The following SEC61A1 variants were observed in gnomAD, a reference collection of about 807,000 sequenced individuals.
SEC61A1 encodes the protein protein transport protein Sec61 subunit alpha isoform 1.
SEC61A1 carries 15 observed loss-of-function variants against 55.2 expected under a neutral mutation model. The observed-to-expected ratio is 0.27, with a 90% confidence interval of 0.18 to 0.42. The LOEUF (loss-of-function observed/expected upper bound fraction) is 0.42. Among genes scored for constraint, SEC61A1 ranks in the 10% least tolerant of loss-of-function variants. The probability of loss-of-function intolerance (pLI) is 1.00; values close to 1 mark genes in which losing one functional copy is unlikely to be tolerated. For missense variants in SEC61A1, 284 were observed against 602.6 expected (o/e 0.47, Z 5.53); for synonymous variants, 247 against 234.0 (o/e 1.06, Z -0.51).
At chr3:128,059,995 T>G (rs1941830241) in intron 5 of SEC61A1, 107 bp from the exon 6 acceptor site, 2 of 783,242 alleles carry the variant, frequency 2.6e-6, no homozygotes, top group African/African-American at 1.7e-5. Flanking sequence ...TCACTGCTCT[T>G]CATCTTTGTT....
intron 8 of SEC61A1, among the ~76,000 whole-genome samples, chr3:128,065,732 ATTTTTTTTTT>A (rs758640768): frequency 1.0e-5 from 1 of 97,528 alleles, no homozygotes; most frequent in African/African-American, 4.1e-5. Context: ...ATCATTAAGA[ATTTTTTTTTT>A]TTTTTTTTTT....
Position 128,067,248 on chromosome 3 carries a change from T to A in SEC61A1, c.975+97T>A. 6 of 1,360,716 alleles carry A rather than the reference T, an allele frequency of 4.4e-6. No individual in the cohort carries two copies. Among genetic ancestry groups the A allele is most frequent in the Non-Finnish European group, 6.2e-6 (6 of 968,316 alleles). The allele number at this position is 1,360,716 out of a possible 1,614,324, so 84.3% of individuals were successfully genotyped here. A position where few individuals can be genotyped will look rare whatever the true frequency, so the allele number is the denominator to read the frequency against. On this transcript the variant is annotated intron_variant, in intron 9 of 11. Coordinates refer to ENST00000243253, the MANE Select transcript of SEC61A1 (RefSeq NM_013336.4). The surrounding 1 kb of genome is among the most constrained non-coding windows in gnomAD (Gnocchi z 4.1). ...TGAACAGATATTTCATCCAAAGATATTTTCCATTGTGCCTTTTACAAATTC... is the reference window on the plus strand; with the variant it reads ...TGAACAGATATTTCATCCAAAGATAATTTCCATTGTGCCTTTTACAAATTC...
At chr3:128,052,095 G>A (rs1227561741), upstream of SEC61A1, among the ~76,000 whole-genome samples, 2 of 152,210 alleles carry the variant, frequency 1.3e-5, no homozygotes, top group Non-Finnish European at 2.9e-5. Flanking sequence ...CCTGCCTGCA[G>A]GGCCACGCGC....
intron 2 of SEC61A1, among the ~76,000 whole-genome samples, chr3:128,054,872 T>C (rs1395590866): frequency 6.6e-6 from 1 of 152,208 alleles, no homozygotes; most frequent in East Asian, 1.9e-4. Context: ...TAATACTTAA[T>C]AGTCATCTTT....
rs774100458 is a variant in SEC61A1 at position 128,070,767 on chromosome 3, G to T, written c.*1105G>T. 1 of 151,852 alleles carries T rather than the reference G, an allele frequency of 6.6e-6. No individual in the cohort carries two copies. The highest frequency in any genetic ancestry group is 2.4e-5 in the African/African-American group (1 of 40,868). 9.4% of individuals were successfully genotyped at this position (151,852 alleles called of 1,614,324 possible). ...GTGGTGGTGTTGATCAGTTGCTCCA[G>T]TGTTTGAAATAAGAAGACTCATGTT... On this transcript the variant is annotated 3_prime_UTR_variant, in exon 12 of 12. Transcript: ENST00000243253.
chr3:128,054,523 G>A (rs1015244316), intron 2 of SEC61A1, among the ~76,000 whole-genome samples: 3 of 152,220 alleles, frequency 2.0e-5, no homozygotes, highest in African/African-American at 7.2e-5. Flanking sequence ...TTGTGTGGCC[G>A]TATGACTGTG....
In SEC61A1 at chr3:128,052,825, C is replaced by G; in HGVS notation, c.8-10C>G. Reference sequence around the variant, plus strand: ...TCCCAACTCTTCCTGTTTTGTTTCTCCCATCAAAGTCAAATTTCTGGAAGT... The same window carrying G: ...TCCCAACTCTTCCTGTTTTGTTTCTGCCATCAAAGTCAAATTTCTGGAAGT... On this transcript the variant is annotated splice_polypyrimidine_tract_variant and intron_variant, in intron 1 of 11. Coordinates refer to ENST00000243253, the MANE Select transcript of SEC61A1 (RefSeq NM_013336.4). 1 of 1,612,404 alleles carries G rather than the reference C, an allele frequency of 6.2e-7. No individual in the cohort carries two copies. Among genetic ancestry groups the G allele is most frequent in the Non-Finnish European group, 8.5e-7 (1 of 1,178,576 alleles).
At chr3:128,052,603 A>T (rs1941704345) in intron 1 of SEC61A1, 44 bp downstream of exon 1, 1 of 1,580,838 alleles carries the variant, frequency 6.3e-7, no homozygotes, top group Non-Finnish European at 8.6e-7. Flanking sequence ...GACGGAACAG[A>T]TCCCCCTTCC....
At chr3:128,059,249 G>C (rs1559795380) in intron 5 of SEC61A1, among the ~76,000 whole-genome samples, 1 of 152,102 alleles carries the variant, frequency 6.6e-6, no homozygotes, top group Admixed American at 6.6e-5. Context: ...TGAGGTGGGT[G>C]GATCACGAGG....
At chr3:128,062,205 C>G (rs762428662) in intron 7 of SEC61A1, among the ~76,000 whole-genome samples, 1 of 152,170 alleles carries the variant, frequency 6.6e-6, no homozygotes, top group African/African-American at 2.4e-5. Context: ...CTGGCTGACA[C>G]GAGATGCATT....
At chr3:128,059,965 C>T (rs756886203) in intron 5 of SEC61A1, 137 bp from the exon 6 acceptor site, 12 of 635,526 alleles carry the variant, frequency 1.9e-5, no homozygotes, top group South Asian at 1.2e-4. Flanking sequence ...CGTTCTCAGC[C>T]GAGCCCCTTG....
rs112255429 is a variant in SEC61A1, at chr3:128,067,979, G to A, written c.1168-4G>A. 0.017 allele frequency: 27,448 copies of A among 1,613,264 alleles called. 302 individuals are homozygous for A. Among genetic ancestry groups the A allele is most frequent in the Non-Finnish European group, 0.018 (20,698 of 1,179,350 alleles). ...CCAACTTCTCCCCTGTGGGCACCCT[G>A]CAGGTTGCAAAGCAGCTGAAGGAGC... On this transcript the variant is annotated splice_polypyrimidine_tract_variant and splice_region_variant and intron_variant, in intron 10 of 11. Coordinates refer to ENST00000243253, the MANE Select transcript of SEC61A1 (RefSeq NM_013336.4). The surrounding 1 kb of genome is among the most constrained non-coding windows in gnomAD (Gnocchi z 4.1).
chr3:128,063,393 A>G lies in SEC61A1; in HGVS notation c.617-1484A>G, dbSNP rs1941878883. ...TGCTCTGTCACCCAGGCTGGAGTGC[A>G]TTGGCGCCATCTCGGCTCACTGCAA... On this transcript the variant is annotated intron_variant, in intron 7 of 11. Coordinates refer to ENST00000243253, the MANE Select transcript of SEC61A1 (RefSeq NM_013336.4). Among the ~76,000 whole-genome samples, 3 of 152,218 alleles carry G rather than the reference A, an allele frequency of 2.0e-5. No homozygotes were observed. The East Asian group carries it at 5.8e-4, about 29-fold the overall frequency.
In SEC61A1 at chr3:128,052,896, G is replaced by A; in HGVS notation, c.69G>A (p.Glu23=). Residue 23 remains glutamate, a synonymous_variant, in exon 2 of 12, where the codon GAG becomes GAA. Coordinates refer to ENST00000243253, the MANE Select transcript of SEC61A1 (RefSeq NM_013336.4). ...TCCTGCCGGAAATTCAGAAGCCAGA[G>A]AGGAAGGTAAGTACCCCAAATCGCC... ...CVILPEIQKP[E]RKIQFKEKVL... The A allele has an allele frequency of 1.2e-6, 2 of 1,613,046 alleles. No individual in the cohort carries two copies. The highest frequency in any genetic ancestry group is 1.7e-6 in the Non-Finnish European group (2 of 1,179,390).
At chr3:128,058,270 G>A (rs1161848725) in intron 5 of SEC61A1, among the ~76,000 whole-genome samples, 3 of 141,190 alleles carry the variant, frequency 2.1e-5, no homozygotes, top group Admixed American at 7.5e-5. Flanking sequence ...GTGCAGTGGC[G>A]TGATCTTGGT....
chr3:128,059,978 G>C (rs1366837195), intron 5 of SEC61A1, 124 bp from the exon 6 acceptor site: 5 of 682,882 alleles, frequency 7.3e-6, no homozygotes, highest in Non-Finnish European at 1.3e-5. Flanking sequence ...GCCCCTTGGA[G>C]GTAGTATCAC....
chr3:128,052,946 T>A (rs1174546059), intron 2 of SEC61A1, 44 bp downstream of exon 2: 1 of 1,461,884 alleles, frequency 6.8e-7, no homozygotes, highest in South Asian at 1.2e-5. Flanking sequence ...CAGGAAACTG[T>A]CTGGACTCTG....
chr3:128,060,540 G>C lies in SEC61A1; in HGVS notation c.495G>C (p.Leu165Phe). ...LFVAGLIVLL[L>F]DELLQKGYGL... ...TTGCTGGCTTAATTGTCCTACTTTT[G>C]GATGAACTCCTGCAAAAAGGATATG... The change falls in exon 7 of 12, where the codon TTG becomes TTC. Residue 165 changes from leucine to phenylalanine, a missense_variant. By Grantham distance (22) the Leu-to-Phe change is conservative (BLOSUM62 0). Transcript: ENST00000243253. The C allele has an allele frequency of 6.2e-7, 1 of 1,614,016 alleles. No homozygotes were observed. Among genetic ancestry groups the C allele is most frequent in the Non-Finnish European group, 8.5e-7 (1 of 1,180,010 alleles).
At chr3:128,054,085 T>TA (rs1253705586) in intron 2 of SEC61A1, among the ~76,000 whole-genome samples, 1 of 152,088 alleles carries the variant, frequency 6.6e-6, no homozygotes, top group African/African-American at 2.4e-5. Context: ...AGGAGATGAA[T>TA]AACAAGGGCC....
Sources: gnomAD v4.1 joint callset for allele counts (sites outside exome capture counted in the v4.1 genomes callset) on GRCh38, gnomAD v4.1.1 for gene constraint, Gnocchi (gnomAD v3.1) non-coding constraint, MANE v1.5 for transcripts, NCBI Gene and HGNC (gene_info 2026-07-23, HGNC 2026-07-21) for gene names.